OR56A3: variants seen among roughly 807,000 people sequenced by gnomAD.
OR56A3 encodes the protein olfactory receptor family 56 subfamily A member 3, also known as olfactory receptor 56A3.
A neutral mutation model predicts 17.5 loss-of-function variants in OR56A3; 23 were observed. That is an observed-to-expected ratio of 1.32 (90% CI 0.95 to 1.87). OR56A3 has a LOEUF of 1.87. Among genes scored for constraint, OR56A3 ranks in the 40% most tolerant of loss-of-function variants. The probability of loss-of-function intolerance (pLI) is 0.00; values close to 1 mark genes in which losing one functional copy is unlikely to be tolerated. For missense variants in OR56A3, 366 were observed against 380.1 expected (o/e 0.96, Z 0.31); for synonymous variants, 175 against 150.6 (o/e 1.16, Z -1.19).
chr11:6,021,945 A>C, the OR56A3 span: 1 of 152,170 alleles, frequency 6.6e-6, no homozygotes, highest in Non-Finnish European at 1.5e-5. Flanking sequence ...CTGCTCCGCC[A>C]TTAATAGAGA....
At chr11:5,989,269 C>T in the OR56A3 span, among the ~76,000 whole-genome samples, 6 of 152,314 alleles carry the variant, frequency 3.9e-5, no homozygotes, top group Non-Finnish European at 7.3e-5. Context: ...CAGCCCATTT[C>T]TCATTTTTTA....
chr11:5,993,168 T>G, the OR56A3 span, among the ~76,000 whole-genome samples: 3 of 152,096 alleles, frequency 2.0e-5, no homozygotes, highest in Admixed American at 6.5e-5. Context: ...TTGTTAAAAT[T>G]TGCGATTTTA....
chr11:5,947,866 G>A lies in OR56A3; in HGVS notation c.520G>A (p.Gly174Arg), dbSNP rs532476312. The A allele has an allele frequency of 6.2e-7, 1 of 1,614,154 alleles. No homozygotes were observed. The highest frequency in any genetic ancestry group is 1.7e-5 in the Admixed American group (1 of 60,016). The change falls in exon 3 of 3, where the codon GGA (glycine) becomes AGA (arginine). Residue 174 changes from glycine to arginine, a missense_variant. Transcript: ENST00000641160. The stretch of plus-strand genomic sequence containing the variant: ...CCTTTCAGCACAACTCCGTTATTGT[G>A]GAAGAAATGTCATTGAGAACTGCAT... ...PILSAQLRYC[G>R]RNVIENCICA...
At chr11:6,007,647 GA>G in the OR56A3 span, among the ~76,000 whole-genome samples, 8 of 150,926 alleles carry the variant, frequency 5.3e-5, no homozygotes, top group South Asian at 2.1e-4. Context: ...AGAAATCCTA[GA>G]AAAAAAAAGT....
the OR56A3 span, among the ~76,000 whole-genome samples, chr11:6,003,702 A>AC: frequency 6.6e-6 from 1 of 151,886 alleles, no homozygotes; most frequent in Non-Finnish European, 1.5e-5. Context: ...CCTGAAATCC[A>AC]TTTTTTTTCC....
At chr11:5,965,624 C>T in the OR56A3 span, among the ~76,000 whole-genome samples, 3 of 152,070 alleles carry the variant, frequency 2.0e-5, no homozygotes. Flanking sequence ...ATCAAAATAA[C>T]TAAATATGTA....
the OR56A3 span, among the ~76,000 whole-genome samples, chr11:6,008,467 C>A: frequency 3.3e-5 from 5 of 152,116 alleles, no homozygotes; most frequent in East Asian, 9.7e-4. Context: ...TATTCTTATC[C>A]TCAGAATTTC....
At chr11:5,989,200 A>C in the OR56A3 span, among the ~76,000 whole-genome samples, 1 of 152,246 alleles carries the variant, frequency 6.6e-6, no homozygotes, top group Non-Finnish European at 1.5e-5. Flanking sequence ...AGTGCTTAAC[A>C]TTCCACATAG....
chr11:5,983,983 C>T, the OR56A3 span, among the ~76,000 whole-genome samples: 1 of 152,118 alleles, frequency 6.6e-6, no homozygotes, highest in South Asian at 2.1e-4. Context: ...TTTTATATTC[C>T]GCTAAGGTTC....
the OR56A3 span, among the ~76,000 whole-genome samples, chr11:5,993,025 G>A: frequency 3.9e-5 from 6 of 152,304 alleles, no homozygotes; most frequent in East Asian, 1.2e-3. Flanking sequence ...GGAAGTTCGG[G>A]AAAGCCCTCC....
chr11:5,967,697 CAGG>C, the OR56A3 span: 1 of 1,613,388 alleles, frequency 6.2e-7, no homozygotes, highest in African/African-American at 1.3e-5. Flanking sequence ...TCTTCCTGGC[CAGG>C]TTAGTGATGA....
downstream of OR56A3, among the ~76,000 whole-genome samples, chr11:5,956,230 A>G (rs2134369074): frequency 6.6e-6 from 1 of 152,372 alleles, no homozygotes; most frequent in Non-Finnish European, 1.5e-5. Flanking sequence ...ATGATTCAGA[A>G]GATTATGATG....
At chr11:5,974,929 A>G in the OR56A3 span, among the ~76,000 whole-genome samples, 2 of 152,230 alleles carry the variant, frequency 1.3e-5, no homozygotes, top group Non-Finnish European at 2.9e-5. Flanking sequence ...GCACTATTTT[A>G]TATGAAACTG....
the OR56A3 span, chr11:5,968,568 C>A: frequency 1.8e-6 from 2 of 1,094,664 alleles, no homozygotes; most frequent in African/African-American, 1.6e-5. Flanking sequence ...AAATAGAAAA[C>A]AAAGCTGTTA....
the OR56A3 span, among the ~76,000 whole-genome samples, chr11:5,975,434 A>G: frequency 7.4e-6 from 1 of 134,542 alleles, no homozygotes; most frequent in Non-Finnish European, 1.5e-5. Flanking sequence ...TTCAATTCCC[A>G]CCTATGAGTG....
chr11:6,021,079 G>A, the OR56A3 span: 8 of 152,054 alleles, frequency 5.3e-5, no homozygotes, highest in African/African-American at 1.9e-4. Context: ...GAGTGGCATG[G>A]AGAAAGGGAG....
At chr11:5,966,871 GAC>G in the OR56A3 span, among the ~76,000 whole-genome samples, 9 of 144,462 alleles carry the variant, frequency 6.2e-5, no homozygotes, top group African/African-American at 2.1e-4. Context: ...CTTAAAAAAG[GAC>G]ACACAGATTC....
chr11:5,968,535 G>A, the OR56A3 span: 4 of 1,349,634 alleles, frequency 3.0e-6, no homozygotes, highest in East Asian at 7.5e-5. Context: ...CTGAAATTGT[G>A]TTTGATAAGA....
chr11:5,948,557 T>C lies in OR56A3; in HGVS notation c.*263T>C. On this transcript the variant is annotated 3_prime_UTR_variant, in exon 3 of 3. Coordinates refer to ENST00000641160, the MANE Select transcript of OR56A3 (RefSeq NM_001003443.3). ...AAACACTGACATTCCTTAAAGCAGA[T>C]TTTAAAGTGAAAAATGTATGTTTCT... 7.4e-6 allele frequency: 3 copies of C among 408,112 alleles called. No individual in the cohort carries two copies. In the South Asian group the frequency reaches 1.6e-4, roughly 21 times the overall value. The allele number at this position is 408,112 out of a possible 1,614,324, so 25.3% of individuals were successfully genotyped here. A position where few individuals can be genotyped will look rare whatever the true frequency, so the allele number is the denominator to read the frequency against.
Sources: allele counts gnomAD v4.1 joint callset (sites outside exome capture counted in the v4.1 genomes callset), GRCh38; gene constraint gnomAD v4.1.1; transcripts MANE v1.5; gene names NCBI Gene and HGNC (gene_info 2026-07-23, HGNC 2026-07-21).